Variants in DYM observed in about 807,000 individuals in gnomAD.
The protein encoded by DYM is dymeclin, also known as dyggve-Melchior-Clausen syndrome protein.
DYM carries 78 observed loss-of-function variants against 93.1 expected under a neutral mutation model. That is an observed-to-expected ratio of 0.84 (90% CI 0.70 to 1.01). DYM has a LOEUF of 1.01. Ranked by LOEUF, DYM falls within the 50% of genes least tolerant of loss-of-function variation. DYM has a pLI of 0.00. For missense variants in DYM, 789 were observed against 845.0 expected (o/e 0.93, Z 0.82); for synonymous variants, 321 against 319.7 (o/e 1.00, Z -0.04).
chr18:49,174,846 C>T (rs950025863), intron 14 of DYM, among the ~76,000 whole-genome samples: 4 of 151,352 alleles, frequency 2.6e-5, no homozygotes, highest in Admixed American at 6.6e-5. Context: ...AGAGAGAGAG[C>T]GAGAACTGAG....
chr18:49,254,353 T>A lies in DYM; in HGVS notation c.1460+2657A>T, dbSNP rs1490916807. Among the ~76,000 whole-genome samples, 10 of 148,450 alleles carry A rather than the reference T, an allele frequency of 6.7e-5. No homozygotes were observed. In the Admixed American group the frequency reaches 6.8e-4, roughly 10 times the overall value. On this transcript the variant is annotated intron_variant, in intron 13 of 17. Transcript: ENST00000675505. Reference sequence around the variant, plus strand: ...ACACATAGATGGGTCCTGGTCTTATTCCTGCTACTGAAATGCAAGCTGCTT... The same window carrying A: ...ACACATAGATGGGTCCTGGTCTTATACCTGCTACTGAAATGCAAGCTGCTT...
chr18:49,267,104 A>ACTTT (rs2094582695), intron 11 of DYM, among the ~76,000 whole-genome samples: 3 of 152,296 alleles, frequency 2.0e-5, no homozygotes, highest in South Asian at 4.1e-4. Flanking sequence ...TTTTTTAAAA[A>ACTTT]GTTAGAAAGA....
At chr18:49,160,456 G>A (rs570387877) in intron 15 of DYM, among the ~76,000 whole-genome samples, 2 of 151,924 alleles carry the variant, frequency 1.3e-5, no homozygotes, top group Non-Finnish European at 2.9e-5. Context: ...TAGACTGAAA[G>A]TACTCTATGT....
chr18:49,459,718 T>C (rs1013658447), intron 1 of DYM, among the ~76,000 whole-genome samples: 5 of 152,124 alleles, frequency 3.3e-5, no homozygotes, highest in African/African-American at 1.2e-4. Flanking sequence ...CCCTGTTCAG[T>C]AGAGAACAGC....
At chr18:49,367,406 T>G (rs1191990810) in intron 5 of DYM, among the ~76,000 whole-genome samples, 6 of 152,092 alleles carry the variant, frequency 3.9e-5, no homozygotes, top group African/African-American at 1.2e-4. Flanking sequence ...ATACCCAAAA[T>G]TAAGCTGCAG....
intron 17 of DYM, among the ~76,000 whole-genome samples, chr18:49,074,075 C>T (rs1016678255): frequency 6.6e-6 from 1 of 152,192 alleles, no homozygotes; most frequent in African/African-American, 2.4e-5. Flanking sequence ...ACCACTTTAA[C>T]AGCTAGGTTC....
At chr18:49,253,905 C>G (rs2094338783) in intron 13 of DYM, among the ~76,000 whole-genome samples, 1 of 152,160 alleles carries the variant, frequency 6.6e-6, no homozygotes, top group African/African-American at 2.4e-5. Context: ...GTGAGTCCAA[C>G]CCTTAAGCCC....
intron 8 of DYM, among the ~76,000 whole-genome samples, chr18:49,298,747 C>T (rs893042687): frequency 1.3e-5 from 2 of 151,940 alleles, no homozygotes; most frequent in East Asian, 1.9e-4. Flanking sequence ...TTATGAAGAT[C>T]GATTCCTGTT....
intron 14 of DYM, among the ~76,000 whole-genome samples, chr18:49,166,947 C>T (rs1332669103): frequency 6.6e-6 from 1 of 151,136 alleles, no homozygotes; most frequent in East Asian, 1.9e-4. Context: ...TCAGGAGGTG[C>T]TTCCTGAGTT....
chr18:49,145,134 T>TATATATATATATATATA (rs1555778609), intron 15 of DYM, among the ~76,000 whole-genome samples: 1 of 79,574 alleles, frequency 1.3e-5, no homozygotes, highest in Non-Finnish European at 2.5e-5. Context: ...TATATATATA[T>TATATATATATATATATA]AATTTATATA....
At chr18:49,203,229 G>T (rs2092236240) in intron 14 of DYM, among the ~76,000 whole-genome samples, 2 of 49,328 alleles carry the variant, frequency 4.1e-5, no homozygotes, top group East Asian at 4.5e-4. Flanking sequence ...AGGGAGGTGG[G>T]GGGGGTCAGC....
chr18:49,095,023 C>T (rs1701121827), intron 17 of DYM, among the ~76,000 whole-genome samples: 1 of 152,182 alleles, frequency 6.6e-6, no homozygotes, highest in Admixed American at 6.5e-5. Flanking sequence ...CTTATTAAGA[C>T]AGCATTTCCA....
chr18:49,361,434 TGTA>T (rs2066009805), intron 6 of DYM, among the ~76,000 whole-genome samples: 1 of 152,258 alleles, frequency 6.6e-6, no homozygotes, highest in African/African-American at 2.4e-5. Context: ...TATATCTCCA[TGTA>T]GACTGAGATT....
chr18:49,430,113 C>A (rs917826262), intron 2 of DYM, 142 bp downstream of exon 2: 2 of 846,772 alleles, frequency 2.4e-6, no homozygotes, highest in African/African-American at 1.7e-5. Context: ...ACTTTCAAAT[C>A]TTTTGGATTT....
chr18:49,391,556 T>C, intron 3 of DYM, 37 bp downstream of exon 3: 1 of 1,602,980 alleles, frequency 6.2e-7, no homozygotes, highest in South Asian at 1.1e-5. Context: ...AAAACAAAAT[T>C]TGAAAACAAC....
At chr18:49,166,402 C>A (rs1192808058) in intron 14 of DYM, among the ~76,000 whole-genome samples, 2 of 152,160 alleles carry the variant, frequency 1.3e-5, no homozygotes, top group South Asian at 2.1e-4. Context: ...TAATCACTCA[C>A]TGCAATTGTT....
rs184350263 is a variant in DYM, at chr18:49,196,965, A to G, written c.1625+12586T>C. Among the ~76,000 whole-genome samples, 36 of 152,320 alleles carry G rather than the reference A, an allele frequency of 2.4e-4. 1 individual carries two copies. The East Asian group carries it at 4.4e-3, about 19-fold the overall frequency. On this transcript the variant is annotated intron_variant, in intron 14 of 17. Transcript: ENST00000675505. Reference sequence around the variant, plus strand: ...TAGAGATTTGATTTATATTTTGGATAGAGAACTGAAATGGATGTAGTGAGG... The same window carrying G: ...TAGAGATTTGATTTATATTTTGGATGGAGAACTGAAATGGATGTAGTGAGG...
chr18:49,410,267 C>G (rs2072078187), intron 2 of DYM, among the ~76,000 whole-genome samples: 1 of 151,904 alleles, frequency 6.6e-6, no homozygotes, highest in African/African-American at 2.4e-5. Flanking sequence ...CATTATGTTG[C>G]CCAGGCTAGT....
At chr18:49,291,484 G>C (rs933974912) in intron 8 of DYM, among the ~76,000 whole-genome samples, 2 of 152,160 alleles carry the variant, frequency 1.3e-5, no homozygotes, top group Admixed American at 6.5e-5. Flanking sequence ...CTGTTATGGG[G>C]GAAGGGGGGA....
Sources: allele counts gnomAD v4.1 joint callset (sites outside exome capture counted in the v4.1 genomes callset), GRCh38; gene constraint gnomAD v4.1.1; transcripts MANE v1.5; gene names NCBI Gene and HGNC (gene_info 2026-07-23, HGNC 2026-07-21).